QSER1: variants seen among roughly 807,000 people sequenced by gnomAD.
QSER1 encodes the protein glutamine and serine-rich protein 1.
A neutral mutation model predicts 158.5 loss-of-function variants in QSER1; 49 were observed. The observed-to-expected ratio is 0.31, with a 90% CI of 0.25 to 0.39. The LOEUF is 0.39. Ranked by LOEUF, QSER1 falls within the 10% of genes least tolerant of loss-of-function variation. The pLI is 1.00. For synonymous variants in QSER1, 650 were observed against 715.5 expected, an observed-to-expected ratio of 0.91 and a Z score of 1.46; for missense variants, 1,754 against 2,010.3, an observed-to-expected ratio of 0.87 and a Z score of 2.44.
At chr11:32,912,195 C>G (rs908267220) in intron 1 of QSER1, among the ~76,000 whole-genome samples, 3 of 152,166 alleles carry the variant, frequency 2.0e-5, no homozygotes, top group Non-Finnish European at 4.4e-5. Context: ...AATTATTTCT[C>G]ACAACATGTC....
chr11:32,951,000 A>T (rs753866954), intron 4 of QSER1, among the ~76,000 whole-genome samples: 2 of 152,188 alleles, frequency 1.3e-5, no homozygotes, highest in African/African-American at 2.4e-5. Context: ...TAGGGTACAC[A>T]TCCAGAAGTG....
chr11:32,955,460 G>C (rs755245512), intron 6 of QSER1, 48 bp downstream of exon 6: 1 of 870,646 alleles, frequency 1.1e-6, no homozygotes, highest in Non-Finnish European at 1.8e-6. Flanking sequence ...CAGTGGTCCT[G>C]AGAAAAACAA....
chr11:32,925,249 A>G (rs2133533206), intron 1 of QSER1, among the ~76,000 whole-genome samples: 1 of 152,300 alleles, frequency 6.6e-6, no homozygotes, highest in South Asian at 2.1e-4. Context: ...ATACCCAGTA[A>G]TGAAATTGAT....
chr11:32,943,006 G>A (rs1355270619), intron 4 of QSER1, among the ~76,000 whole-genome samples: 13 of 151,952 alleles, frequency 8.6e-5, no homozygotes, highest in Admixed American at 3.3e-4. Flanking sequence ...TTGTAAATGG[G>A]AGTTCACTCA....
chr11:32,939,497 A>T (rs1460680108), intron 4 of QSER1, among the ~76,000 whole-genome samples: 1 of 152,148 alleles, frequency 6.6e-6, no homozygotes, highest in Non-Finnish European at 1.5e-5. Context: ...GTCTTTGTAT[A>T]CTGAGTAATT....
chr11:32,958,753 A>G (rs763988131), intron 8 of QSER1, among the ~76,000 whole-genome samples: 2 of 152,216 alleles, frequency 1.3e-5, no homozygotes, highest in Middle Eastern at 3.2e-3. Flanking sequence ...GGGCACTCAA[A>G]TTATAATATA....
At chr11:32,908,008 GA>G (rs1266066956) in intron 1 of QSER1, among the ~76,000 whole-genome samples, 1 of 152,148 alleles carries the variant, frequency 6.6e-6, no homozygotes, top group Admixed American at 6.5e-5. Flanking sequence ...GCTGAGGCAG[GA>G]GAATCATTTG....
At chr11:32,954,300 G>T (rs1852475548) in intron 5 of QSER1, 121 bp downstream of exon 5, 2 of 1,148,882 alleles carry the variant, frequency 1.7e-6, no homozygotes, top group East Asian at 2.5e-5. Context: ...TGCATTATAA[G>T]TGTTTGATAA....
intron 10 of QSER1, among the ~76,000 whole-genome samples, chr11:32,970,331 G>GA (rs376515727): frequency 6.6e-6 from 1 of 152,036 alleles, no homozygotes; most frequent in Non-Finnish European, 1.5e-5. Flanking sequence ...TTCGCAGGAA[G>GA]AAAAAAAATT....
At chr11:32,952,747 C>CT (rs537332686) in intron 4 of QSER1, among the ~76,000 whole-genome samples, 85 of 129,478 alleles carry the variant, frequency 6.6e-4, no homozygotes, top group East Asian at 8.9e-4. Flanking sequence ...TTTAAAATTA[C>CT]TTTTTTTTTT....
At chr11:32,948,875 TTATC>T (rs1270330042) in intron 4 of QSER1, among the ~76,000 whole-genome samples, 6 of 152,286 alleles carry the variant, frequency 3.9e-5, no homozygotes, top group Middle Eastern at 6.8e-3. Flanking sequence ...ATTCATACCT[TTATC>T]TAGGTGCCCA....
intron 8 of QSER1, among the ~76,000 whole-genome samples, chr11:32,964,789 CACAT>C (rs1463456788): frequency 7.8e-4 from 115 of 148,084 alleles, no homozygotes; most frequent in African/African-American, 2.7e-3. Context: ...CACATACACA[CACAT>C]AAACGCACAC....
At position 32,958,072 on chromosome 11, in the gene QSER1, G is replaced by A. The variant is rs1187376546; in HGVS notation, c.4955G>A (p.Ser1652Asn). Residue 1652 changes from serine (S) to asparagine (N), a missense_variant, in exon 8 of 13, where the codon AGT becomes AAT. This residue lies in a region of QSER1 where 1,707 missense variants were observed against 1,919.6 expected (regional missense o/e 0.89). Coordinates refer to ENST00000650167, the MANE Select transcript of QSER1 (RefSeq NM_001076786.3). ...TCATCTCCTGAGATCCATACTAGTA[G>A]TAGTGACGATGAGGGTGAGTTTTCC... ...SDSSPEIHTS[S>N]SDDEEFEPPA... 10 of 1,613,896 alleles carry A rather than the reference G, an allele frequency of 6.2e-6. No individual in the cohort carries two copies. Among genetic ancestry groups the A allele is most frequent in the Non-Finnish European group, 8.5e-6 (10 of 1,179,850 alleles).
intron 4 of QSER1, among the ~76,000 whole-genome samples, chr11:32,945,188 C>G (rs1852309093): frequency 7.0e-6 from 1 of 143,726 alleles, no homozygotes. Context: ...GACTCTTTAT[C>G]CAATTTGCCA....
In QSER1 at chr11:32,934,486, T is replaced by C; in HGVS notation, c.3228T>C (p.Ile1076=). ...QSKMTLDQQH[I]ETPGQNIPTK... Reference sequence around the variant, plus strand: ...AAATGACTCTTGATCAACAGCACATTGAAACACCTGGTCAAAATATACCAA... The same window carrying C: ...AAATGACTCTTGATCAACAGCACATCGAAACACCTGGTCAAAATATACCAA... The change falls in exon 4 of 13, where the codon ATT becomes ATC. Residue 1076 remains isoleucine (I), a synonymous_variant. Transcript: ENST00000650167. The C allele has an allele frequency of 6.2e-7, 1 of 1,613,652 alleles. No individual in the cohort carries two copies. The highest frequency in any genetic ancestry group is 8.5e-7 in the Non-Finnish European group (1 of 1,179,992).
Position 32,934,365 on chromosome 11 carries a change from C to G in QSER1, c.3107C>G (p.Thr1036Arg). The change falls in exon 4 of 13, where the codon ACA becomes AGA. Residue 1036 changes from threonine (T) to arginine (R), a missense_variant. Thr to Arg is a moderately conservative substitution (Grantham distance 71). Transcript: ENST00000650167. The stretch of plus-strand genomic sequence containing the variant: ...GTGACTTCAGATTTTAACTCTATGA[C>G]AGCTACAGTAGGAAAGCCACAGAAT... ...RHVTSDFNSMTATVGKPQNIN... is the reference protein window; with the variant it reads ...RHVTSDFNSMRATVGKPQNIN... 1 of 1,613,810 alleles carries G rather than the reference C, an allele frequency of 6.2e-7. No homozygotes were observed. Among genetic ancestry groups the G allele is most frequent in the Non-Finnish European group, 8.5e-7 (1 of 1,179,900 alleles).
intron 8 of QSER1, among the ~76,000 whole-genome samples, chr11:32,965,655 A>G (rs1375767906): frequency 6.6e-6 from 1 of 151,958 alleles, no homozygotes; most frequent in Non-Finnish European, 1.5e-5. Flanking sequence ...CTTCAGAATC[A>G]CCTAGGAAGG....
intron 8 of QSER1, among the ~76,000 whole-genome samples, chr11:32,959,368 G>A (rs1284204902): frequency 5.9e-5 from 9 of 152,240 alleles, no homozygotes; most frequent in Admixed American, 3.9e-4. Flanking sequence ...AAAGAGGAAG[G>A]GATGATGAAA....
chr11:32,935,153 G>T lies in QSER1; in HGVS notation c.3895G>T (p.Val1299Leu). The T allele has an allele frequency of 6.2e-7, 1 of 1,614,030 alleles. No homozygotes were observed. The highest frequency in any genetic ancestry group is 8.5e-7 in the Non-Finnish European group (1 of 1,179,964). ...GPKQQFSTLA[V>L]RMPNRTRRPG... The stretch of plus-strand genomic sequence containing the variant: ...CAAGCAGCAGTTTTCCACTCTTGCT[G>T]TACGAATGCCTAACAGGACTAGACG... Residue 1299 changes from valine to leucine, a missense_variant, in exon 4 of 13, where the codon GTA becomes TTA. Val to Leu is a conservative substitution (Grantham distance 32). This residue lies in a region of QSER1 where 1,707 missense variants were observed against 1,919.6 expected (regional missense o/e 0.89). Coordinates refer to ENST00000650167, the MANE Select transcript of QSER1 (RefSeq NM_001076786.3).
Sources: gnomAD v4.1 joint callset for allele counts (sites outside exome capture counted in the v4.1 genomes callset) on GRCh38, gnomAD v4.1.1 for gene constraint, gnomAD v4.1.1 regional missense constraint, MANE v1.5 for transcripts, NCBI Gene and HGNC (gene_info 2026-07-23, HGNC 2026-07-21) for gene names.